ERFL: variants seen among roughly 807,000 people sequenced by gnomAD.
ERFL encodes the protein ETS repressor factor like.
In ERFL, 8 loss-of-function variants were observed where a neutral mutation model predicts 27.9. That is an observed-to-expected ratio of 0.29 (90% CI 0.17 to 0.52). The LOEUF is 0.52. ERFL is among the 20% of genes least tolerant of loss of function. The pLI, the probability that ERFL is intolerant of heterozygous loss-of-function variation, is 0.97. For missense variants in ERFL, 294 were observed against 444.4 expected, an observed-to-expected ratio of 0.66 and a Z score of 3.04; for synonymous variants, 174 against 202.8, an observed-to-expected ratio of 0.86 and a Z score of 1.21.
At chr19:41,926,714 GA>G (rs1434601753) in intron 1 of ERFL, among the ~76,000 whole-genome samples, 1 of 152,140 alleles carries the variant, frequency 6.6e-6, no homozygotes, top group Non-Finnish European at 1.5e-5. Flanking sequence ...GGCCGGCCGG[GA>G]GGGGGGAGCG....
rs2074724524 is a variant in ERFL, at chr19:41,907,739, C to T, written c.*489G>A. 4.5e-6 allele frequency: 1 copy of T among 221,922 alleles called. No individual in the cohort carries two copies. The highest frequency in any genetic ancestry group is 1.1e-4 in the South Asian group (1 of 8,906). 13.7% of individuals were successfully genotyped at this position (221,922 alleles called of 1,614,324 possible). A position where few individuals can be genotyped will look rare whatever the true frequency, so the allele number is the denominator to read the frequency against. Reference sequence around the variant, plus strand: ...TGTTCTTTTATTTCTGTAGTAAACTCTCTGGAGGTGACTGTTGGGATCATG... The same window carrying T: ...TGTTCTTTTATTTCTGTAGTAAACTTTCTGGAGGTGACTGTTGGGATCATG... On this transcript the variant is annotated 3_prime_UTR_variant, in exon 6 of 6. Transcript: ENST00000597630.
At chr19:41,927,103 G>C (rs782682822) in intron 1 of ERFL, among the ~76,000 whole-genome samples, 15 of 152,142 alleles carry the variant, frequency 9.9e-5, no homozygotes, top group Non-Finnish European at 1.9e-4. Flanking sequence ...GTGAGAGACA[G>C]AGATAGAGAG....
At chr19:41,912,520 T>A (rs1456647542) in intron 2 of ERFL, among the ~76,000 whole-genome samples, 1 of 152,136 alleles carries the variant, frequency 6.6e-6, no homozygotes, top group Non-Finnish European at 1.5e-5. Context: ...CCCTGCTCTC[T>A]TTTCCCCGCA....
intron 1 of ERFL, among the ~76,000 whole-genome samples, chr19:41,919,512 T>TACACACACACAC (rs60525805): frequency 4.1e-5 from 6 of 146,486 alleles, no homozygotes; most frequent in African/African-American, 1.5e-4. Flanking sequence ...CGTGCACGCG[T>TACACACACACAC]ACACACACAC....
Position 41,910,821 on chromosome 19 carries a change from G to A in ERFL, c.68-724C>T, listed in dbSNP as rs751891399. Among the ~76,000 whole-genome samples, 21 of 152,098 alleles carry A rather than the reference G, an allele frequency of 1.4e-4. 1 individual carries two copies. The highest frequency in any genetic ancestry group is 1.5e-4 in the Non-Finnish European group (10 of 68,002). ...AGCCACACTGGGACACAGGCACACC[G>A]GAGTGCCACACTCATGCTGGGGGCC... On this transcript the variant is annotated intron_variant, in intron 2 of 5. Transcript: ENST00000597630. This position sits in a 1 kb window ranked among gnomAD's most constrained non-coding sequence, Gnocchi z 4.4.
rs1368828280 is a variant in ERFL at position 41,909,591 on chromosome 19, T to G, written c.303-120A>C. 6 of 883,066 alleles carry G rather than the reference T, an allele frequency of 6.8e-6. No homozygotes were observed. The highest frequency in any genetic ancestry group is 4.6e-4 in the Middle Eastern group (2 of 4,316). The allele number at this position is 883,066 out of a possible 1,614,324, so 54.7% of individuals were successfully genotyped here. A position where few individuals can be genotyped will look rare whatever the true frequency, so the allele number is the denominator to read the frequency against. ...ACAGAGCACTAGAACTTGGGGAAAC[T>G]GAGGCTCACAGAAGTCCCTTAATAG... is the stretch of plus-strand genomic sequence containing the variant. On this transcript the variant is annotated intron_variant, in intron 3 of 5. Coordinates refer to ENST00000597630, the MANE Select transcript of ERFL (RefSeq NM_001365103.2). The surrounding 1 kb of genome is among the most constrained non-coding windows in gnomAD (Gnocchi z 5.2).
chr19:41,916,521 G>C lies in ERFL; in HGVS notation c.-13-3589C>G, dbSNP rs919626006. Among the ~76,000 whole-genome samples the C allele has an allele frequency of 1.3e-5, 2 of 151,830 alleles. No homozygotes were observed. Among genetic ancestry groups the C allele is most frequent in the African/African-American group, 4.8e-5 (2 of 41,314 alleles). ...CAATTCAATCTCACACAGAAACAAA[G>C]ACACAAAATCACAAATCCTAGACAC... On this transcript the variant is annotated intron_variant, in intron 1 of 5. Transcript: ENST00000597630. This position sits in a 1 kb window ranked among gnomAD's most constrained non-coding sequence, Gnocchi z 5.4.
Position 41,909,134 on chromosome 19 carries a change from C to T in ERFL, c.542G>A (p.Gly181Glu), listed in dbSNP as rs1438512138. The T allele has an allele frequency of 2.4e-6, 3 of 1,231,810 alleles. No individual in the cohort carries two copies. The highest frequency in any genetic ancestry group is 4.1e-5 in the South Asian group (1 of 24,324). 76.3% of individuals were successfully genotyped at this position (1,231,810 alleles called of 1,614,324 possible). The change falls in exon 5 of 6, where the codon GGG becomes GAG. Residue 181 changes from glycine to glutamate, a missense_variant. Physicochemically the swap from Gly to Glu is moderately conservative, Grantham distance 98 (BLOSUM62 -2). This residue lies in a region of ERFL where 246 missense variants were observed against 371.4 expected (regional missense o/e 0.66). Transcript: ENST00000597630. This position sits in a 1 kb window ranked among gnomAD's most constrained non-coding sequence, Gnocchi z 5.2. ...GGAGGTGAACAGGGGTGTCCGGGCC[C>T]CTGGCTCTCCCAGGCGTGGGGCAGA... is the stretch of plus-strand genomic sequence containing the variant. ...LFSAPRLGEP[G>E]ARTPLFTSET...
At position 41,913,010 on chromosome 19, in the gene ERFL, C is replaced by G. The variant is rs2074762998; in HGVS notation, c.-13-78G>C. The G allele has an allele frequency of 8.4e-6, 5 of 592,756 alleles. No homozygotes were observed. In the South Asian group the frequency reaches 4.3e-4, roughly 51 times the overall value. The allele number at this position is 592,756 out of a possible 1,614,324, so 36.7% of individuals were successfully genotyped here. A position where few individuals can be genotyped will look rare whatever the true frequency, so the allele number is the denominator to read the frequency against. On this transcript the variant is annotated intron_variant, in intron 1 of 5. Coordinates refer to ENST00000597630, the MANE Select transcript of ERFL (RefSeq NM_001365103.2). ...ACAGGTCAGCCAGCGGGGCGCTGCCCGGGGCCTTCCCCTCTCCCAGGTCCC... is the reference window on the plus strand; with the variant it reads ...ACAGGTCAGCCAGCGGGGCGCTGCCGGGGGCCTTCCCCTCTCCCAGGTCCC...
At chr19:41,922,139 T>C (rs2074845953) in intron 1 of ERFL, among the ~76,000 whole-genome samples, 2 of 151,982 alleles carry the variant, frequency 1.3e-5, no homozygotes, top group African/African-American at 2.4e-5. Flanking sequence ...CAGAACCAGC[T>C]ACTCAGGGAG....
chr19:41,917,427 G>A lies in ERFL; in HGVS notation c.-13-4495C>T, dbSNP rs1033950096. ...AGCTGCGCCGGCCGCCTCGGGAGCC[G>A]CCTCGGGCCTCGCACCCCCACCACC... On this transcript the variant is annotated intron_variant, in intron 1 of 5. Coordinates refer to ENST00000597630, the MANE Select transcript of ERFL (RefSeq NM_001365103.2). This position sits in a 1 kb window ranked among gnomAD's most constrained non-coding sequence, Gnocchi z 4.8. Among the ~76,000 whole-genome samples, 2 of 151,768 alleles carry A rather than the reference G, an allele frequency of 1.3e-5. No individual in the cohort carries two copies. The highest frequency in any genetic ancestry group is 2.9e-5 in the Non-Finnish European group (2 of 67,938).
At chr19:41,923,075 C>T in intron 1 of ERFL, 1 of 450,378 alleles carries the variant, frequency 2.2e-6, no homozygotes, top group Non-Finnish European at 4.5e-6. Flanking sequence ...CTGACCCAGG[C>T]CTTTTGCTTC....
At chr19:41,914,574 C>CCCTCCCCTTCCACCGTCTCT (rs1568831580) in intron 1 of ERFL, among the ~76,000 whole-genome samples, 1 of 17,932 alleles carries the variant, frequency 5.6e-5, no homozygotes, top group Non-Finnish European at 1.2e-4. Context: ...TCTCTGTCTC[C>CCCTCCCCTTCCACCGTCTCT]GTCTCTCCCT....
chr19:41,920,969 CTG>C (rs2074838531), intron 1 of ERFL, among the ~76,000 whole-genome samples: 1 of 152,246 alleles, frequency 6.6e-6, no homozygotes, highest in Non-Finnish European at 1.5e-5. Context: ...CTCTGCATCT[CTG>C]TCTCTCTCCC....
intron 1 of ERFL, among the ~76,000 whole-genome samples, chr19:41,918,598 A>T (rs1006757639): frequency 6.8e-6 from 1 of 147,688 alleles, no homozygotes; most frequent in Non-Finnish European, 1.5e-5. Flanking sequence ...TACACTACCC[A>T]TCACAGACAA....
intron 1 of ERFL, among the ~76,000 whole-genome samples, chr19:41,915,445 G>C (rs1018331120): frequency 6.6e-6 from 1 of 151,656 alleles, no homozygotes; most frequent in African/African-American, 2.4e-5. Context: ...ATGCCTCCCT[G>C]TCTCTTGGTT....
At chr19:41,913,116 C>CG (rs1334751201) in intron 1 of ERFL, among the ~76,000 whole-genome samples, 184 bp from the exon 2 acceptor site, 1 of 152,050 alleles carries the variant, frequency 6.6e-6, no homozygotes, top group Admixed American at 6.5e-5. Context: ...CAGCCGTTCC[C>CG]GGCCCCGAGA....
intron 1 of ERFL, among the ~76,000 whole-genome samples, chr19:41,924,402 C>T (rs1282830040): frequency 6.6e-6 from 1 of 152,088 alleles, no homozygotes; most frequent in Non-Finnish European, 1.5e-5. Context: ...GAGGCAAGTA[C>T]GTGCCTCATG....
At chr19:41,924,156 T>C (rs1555853042) in intron 1 of ERFL, among the ~76,000 whole-genome samples, 1 of 150,860 alleles carries the variant, frequency 6.6e-6, no homozygotes, top group Non-Finnish European at 1.5e-5. Context: ...GGAGATGGGG[T>C]TGGGAGGTAA....
Sources: gnomAD v4.1 joint callset for allele counts (sites outside exome capture counted in the v4.1 genomes callset) on GRCh38, gnomAD v4.1.1 for gene constraint, gnomAD v4.1.1 regional missense constraint, Gnocchi (gnomAD v3.1) non-coding constraint, MANE v1.5 for transcripts, NCBI Gene and HGNC (gene_info 2026-07-23, HGNC 2026-07-21) for gene names.